CSMD1: variants seen among roughly 807,000 people sequenced by gnomAD.
CSMD1 encodes CUB and sushi domain-containing protein 1.
In CSMD1, 213 loss-of-function variants were observed where a neutral mutation model predicts 417.5. The ratio of observed to expected loss-of-function variants is 0.51; its 90% CI spans 0.46 to 0.57. The LOEUF (loss-of-function observed/expected upper bound fraction) is 0.57, where lower values mean the gene tolerates loss of function less well. CSMD1 is among the 20% of genes least tolerant of loss of function. The probability of loss-of-function intolerance (pLI) is 0.00; values close to 1 mark genes in which losing one functional copy is unlikely to be tolerated. For synonymous variants in CSMD1, 2,862 were observed against 1,736.8 expected, an observed-to-expected ratio of 1.65 and a Z score of -16.11; for missense variants, 6,923 against 4,529.7, an observed-to-expected ratio of 1.53 and a Z score of -15.17.
In CSMD1 at chr8:3,399,479, C is replaced by T; in HGVS notation, c.2317G>A (p.Gly773Arg). 6.2e-7 allele frequency: 1 copy of T among 1,609,850 alleles called. No homozygotes were observed. Among genetic ancestry groups the T allele is most frequent in the Non-Finnish European group, 8.5e-7 (1 of 1,177,960 alleles). Residue 773 changes from glycine (G) to arginine (R), a missense_variant, in exon 16 of 70, where the codon GGA becomes AGA. Transcript: ENST00000635120. The part of the protein sequence containing the change: ...TASSGVILPP[G>R]WPGYYKDSLH... ...GAATCCTTATAATATCCTGGCCATC[C>T]AGGAGGCAAAATGACTCCGCTGGAC...
chr8:4,200,178 A>G (rs530415807), intron 3 of CSMD1, among the ~76,000 whole-genome samples: 1 of 152,198 alleles, frequency 6.6e-6, no homozygotes, highest in Admixed American at 6.5e-5. Context: ...CTTTTTAACT[A>G]CCTGGACAAA....
In CSMD1 at chr8:3,796,384, A is replaced by ATG. The variant is rs1205972262; in HGVS notation, c.819-42343_819-42342insCA. 4.6e-5 allele frequency among the ~76,000 whole-genome samples: 3 copies of ATG among 64,740 alleles called. 1 individual carries two copies. The highest frequency in any genetic ancestry group is 1.2e-4 in the African/African-American group (3 of 24,072). The allele number at this position is 64,740 out of a possible 152,430, so 42.5% of individuals were successfully genotyped here. On this transcript the variant is annotated intron_variant, in intron 5 of 69. Coordinates refer to ENST00000635120, the MANE Select transcript of CSMD1 (RefSeq NM_033225.6). The stretch of plus-strand genomic sequence containing the variant: ...ATATAGATATCTATCATGTATATAT[A>ATG]TATCTATCATGTATAGATATAGATA...
At chr8:3,613,059 T>A (rs968982312) in intron 8 of CSMD1, among the ~76,000 whole-genome samples, 5 of 152,030 alleles carry the variant, frequency 3.3e-5, no homozygotes, top group South Asian at 2.1e-4. Context: ...AAAATTTTTT[T>A]AAAAATATGA....
intron 12 of CSMD1, among the ~76,000 whole-genome samples, chr8:3,453,811 G>A (rs1325496851): frequency 6.6e-6 from 1 of 152,216 alleles, no homozygotes; most frequent in Non-Finnish European, 1.5e-5. Flanking sequence ...GGATAGTTCT[G>A]TAGATGTCTA....
chr8:4,708,521 T>C (rs2116852626), intron 1 of CSMD1, among the ~76,000 whole-genome samples: 1 of 152,320 alleles, frequency 6.6e-6, no homozygotes, highest in East Asian at 1.9e-4. Flanking sequence ...AGTAATTCTC[T>C]TAAAAATGAA....
intron 41 of CSMD1, among the ~76,000 whole-genome samples, chr8:3,131,846 G>A (rs1585428471): frequency 6.6e-6 from 1 of 152,158 alleles, no homozygotes; most frequent in East Asian, 1.9e-4. Flanking sequence ...AAGCTTAAGG[G>A]GAAAAATACA....
chr8:3,550,115 G>A (rs1305093329), intron 10 of CSMD1, among the ~76,000 whole-genome samples: 1 of 152,100 alleles, frequency 6.6e-6, no homozygotes, highest in African/African-American at 2.4e-5. Flanking sequence ...ATAAAAAAGT[G>A]TCCCATTGGG....
intron 26 of CSMD1, chr8:3,278,257 G>T (rs965622135): frequency 1.3e-5 from 2 of 152,190 alleles, no homozygotes; most frequent in Admixed American, 6.5e-5. Context: ...AGATAGAGAG[G>T]TAGTGCAACC....
intron 3 of CSMD1, among the ~76,000 whole-genome samples, chr8:4,107,709 C>A (rs553902669): frequency 7.9e-5 from 12 of 152,214 alleles, no homozygotes; most frequent in Admixed American, 2.6e-4. Flanking sequence ...GCAGCGCACA[C>A]GCTCCATCAG....
intron 5 of CSMD1, among the ~76,000 whole-genome samples, chr8:3,871,466 G>C (rs756207954): frequency 1.3e-5 from 2 of 151,984 alleles, no homozygotes; most frequent in Non-Finnish European, 2.9e-5. Context: ...TAAATTACTA[G>C]TGAGGTTGAA....
intron 1 of CSMD1, among the ~76,000 whole-genome samples, chr8:4,815,381 T>A (rs952568302): frequency 2.6e-5 from 4 of 152,048 alleles, no homozygotes; most frequent in Non-Finnish European, 4.4e-5. Context: ...CGTAGCCATG[T>A]GGGGCTACTG....
At chr8:4,135,354 AG>A (rs1563169090) in intron 3 of CSMD1, among the ~76,000 whole-genome samples, 1 of 44,732 alleles carries the variant, frequency 2.2e-5, no homozygotes, top group African/African-American at 7.1e-5. Context: ...AGGAAGGGAA[AG>A]GAGGGAAGGA....
At chr8:4,424,147 G>C (rs966438301) in intron 2 of CSMD1, among the ~76,000 whole-genome samples, 1 of 151,946 alleles carries the variant, frequency 6.6e-6, no homozygotes, top group Non-Finnish European at 1.5e-5. Context: ...GAGTTTCTAT[G>C]CTTGACACCA....
At chr8:3,923,344 G>T (rs528847961) in intron 5 of CSMD1, among the ~76,000 whole-genome samples, 3 of 152,124 alleles carry the variant, frequency 2.0e-5, no homozygotes, top group Non-Finnish European at 2.9e-5. Context: ...ATCCACATAC[G>T]TATATTTTTT....
rs184341237 is a variant in CSMD1, at chr8:2,960,087, C to T, written c.9702+1054G>A. On this transcript the variant is annotated intron_variant, in intron 62 of 69. Coordinates refer to ENST00000635120, the MANE Select transcript of CSMD1 (RefSeq NM_033225.6). ...GTACATAGGCAAGTTAAGAATTGCT[C>T]AAAGCAATGGTGATCAAAATTTTAT... 4.7e-3 allele frequency among the ~76,000 whole-genome samples: 721 copies of T among 152,248 alleles called. 2 individuals are homozygous for T. The highest frequency in any genetic ancestry group is 8.0e-3 in the Non-Finnish European group (545 of 68,012).
intron 1 of CSMD1, among the ~76,000 whole-genome samples, chr8:4,709,488 C>G (rs968860139): frequency 6.6e-6 from 1 of 152,174 alleles, no homozygotes; most frequent in Non-Finnish European, 1.5e-5. Flanking sequence ...ACAGGGGGAG[C>G]CTCATGTGCC....
At chr8:3,296,303 G>A (rs915243987) in intron 25 of CSMD1, among the ~76,000 whole-genome samples, 1 of 151,666 alleles carries the variant, frequency 6.6e-6, no homozygotes, top group African/African-American at 2.4e-5. Flanking sequence ...CCCACGTAAG[G>A]GGCATACCGT....
chr8:3,397,711 A>C (rs1811789063), intron 16 of CSMD1, among the ~76,000 whole-genome samples: 1 of 152,202 alleles, frequency 6.6e-6, no homozygotes. Context: ...AAGTTGTCCT[A>C]TCCTGTTTCT....
chr8:3,492,061 A>T (rs1256562057), intron 11 of CSMD1, among the ~76,000 whole-genome samples: 1 of 152,148 alleles, frequency 6.6e-6, no homozygotes, highest in African/African-American at 2.4e-5. Context: ...GTGAAGGAGA[A>T]CTTGTGAGTC....
Sources: allele counts gnomAD v4.1 joint callset (sites outside exome capture counted in the v4.1 genomes callset), GRCh38; gene constraint gnomAD v4.1.1; transcripts MANE v1.5; gene names NCBI Gene and HGNC (gene_info 2026-07-23, HGNC 2026-07-21).